PTPRN2: variants seen among roughly 807,000 people sequenced by gnomAD.
PTPRN2 encodes receptor-type tyrosine-protein phosphatase N2.
A neutral mutation model predicts 118.8 loss-of-function variants in PTPRN2; 74 were observed. The ratio of observed to expected loss-of-function variants is 0.62; its 90% CI spans 0.52 to 0.76. The LOEUF is 0.76. PTPRN2 is among the 30% of genes least tolerant of loss of function. The pLI, the probability that PTPRN2 is intolerant of heterozygous loss-of-function variation, is 0.00. For synonymous variants in PTPRN2, 641 were observed against 608.0 expected (o/e 1.05, Z -0.80); for missense variants, 1,481 against 1,394.4 (o/e 1.06, Z -0.99).
chr7:158,365,458 G>A (rs932609075), intron 2 of PTPRN2, among the ~76,000 whole-genome samples: 4 of 151,902 alleles, frequency 2.6e-5, no homozygotes, highest in Admixed American at 6.6e-5. Flanking sequence ...ACATGACATC[G>A]ATTCCCTGAT....
intron 2 of PTPRN2, among the ~76,000 whole-genome samples, chr7:158,375,819 G>A: frequency 6.6e-6 from 1 of 152,098 alleles, no homozygotes; most frequent in Non-Finnish European, 1.5e-5. Context: ...AGTCAGAAAG[G>A]AGATTGGCTG....
intron 12 of PTPRN2, among the ~76,000 whole-genome samples, chr7:157,838,138 C>T (rs915806594): frequency 2.8e-5 from 4 of 144,476 alleles, no homozygotes; most frequent in Non-Finnish European, 4.5e-5. Context: ...GTGGATGGCA[C>T]GGGAGAAAGC....
intron 2 of PTPRN2, among the ~76,000 whole-genome samples, chr7:158,452,138 A>T (rs1463045361): frequency 2.6e-5 from 4 of 151,846 alleles, no homozygotes; most frequent in African/African-American, 9.7e-5. Flanking sequence ...TCTGTTCCCC[A>T]CTCTGGCTTA....
chr7:157,787,904 G>A lies in PTPRN2; in HGVS notation c.1789-104967C>T, dbSNP rs753365832. 2.6e-5 allele frequency among the ~76,000 whole-genome samples: 4 copies of A among 152,058 alleles called. No homozygotes were observed. The highest frequency in any genetic ancestry group is 5.9e-5 in the Non-Finnish European group (4 of 68,002). ...GTGGATAAAAGCTGCTGGCAACATC[G>A]ACGTCCCCAAGACACTGACAGGCCT... On this transcript the variant is annotated intron_variant, in intron 12 of 22. Coordinates refer to ENST00000389418, the MANE Select transcript of PTPRN2 (RefSeq NM_002847.5). This position sits in a 1 kb window ranked among gnomAD's most constrained non-coding sequence, Gnocchi z 5.3.
chr7:158,459,036 C>A (rs1023092267), intron 2 of PTPRN2, among the ~76,000 whole-genome samples: 2 of 152,164 alleles, frequency 1.3e-5, no homozygotes, highest in Non-Finnish European at 2.9e-5. Flanking sequence ...CAGGGTGCCG[C>A]GGCCATCACA....
chr7:158,259,622 T>C (rs1797256519), intron 3 of PTPRN2, among the ~76,000 whole-genome samples: 1 of 152,144 alleles, frequency 6.6e-6, no homozygotes, highest in South Asian at 2.1e-4. Context: ...CTGCTCCCAC[T>C]CCTCACCAGG....
intron 12 of PTPRN2, among the ~76,000 whole-genome samples, chr7:157,786,387 A>C (rs1804038907): frequency 6.6e-6 from 1 of 152,348 alleles, no homozygotes; most frequent in African/African-American, 2.4e-5. Context: ...CTAAGAAGGA[A>C]GATTATTTAT....
rs1208870927 is a variant in PTPRN2, at chr7:158,330,769, C to G, written c.164-13837G>C. ...CCCACACTCTCACCATAAGAGCTGA[C>G]ACCCGCAGACGTCACTCACACCCAC... On this transcript the variant is annotated intron_variant, in intron 2 of 22. Coordinates refer to ENST00000389418, the MANE Select transcript of PTPRN2 (RefSeq NM_002847.5). Among the ~76,000 whole-genome samples the G allele has an allele frequency of 5.4e-5, 6 of 111,358 alleles. No homozygotes were observed. The East Asian group carries it at 8.2e-4, about 15-fold the overall frequency. 73.1% of individuals were successfully genotyped at this position (111,358 alleles called of 152,430 possible). A position where few individuals can be genotyped will look rare whatever the true frequency, so the allele number is the denominator to read the frequency against.
At chr7:157,564,816 G>A (rs2058386) in intron 21 of PTPRN2, among the ~76,000 whole-genome samples, 45 of 152,344 alleles carry the variant, frequency 3.0e-4, no homozygotes, top group Admixed American at 2.0e-3. Flanking sequence ...TTCCGCCCCA[G>A]GGACATATCC....
intron 3 of PTPRN2, among the ~76,000 whole-genome samples, chr7:158,213,593 TTAATAA>T (rs1827763596): frequency 6.6e-6 from 1 of 152,286 alleles, no homozygotes; most frequent in Non-Finnish European, 1.5e-5. Flanking sequence ...TTAAATGTAC[TTAATAA>T]TAATCAAGTC....
intron 6 of PTPRN2, among the ~76,000 whole-genome samples, chr7:158,146,919 A>G (rs1198626345): frequency 6.6e-6 from 1 of 151,748 alleles, no homozygotes. Context: ...AGACTGAATG[A>G]CACCCCATCT....
At chr7:158,345,837 GAAGC>G (rs1176426555) in intron 2 of PTPRN2, among the ~76,000 whole-genome samples, 1 of 152,188 alleles carries the variant, frequency 6.6e-6, no homozygotes, top group Non-Finnish European at 1.5e-5. Flanking sequence ...AGGCGAAGGA[GAAGC>G]AAGCACCTTC....
chr7:158,418,785 C>T (rs1192683583), intron 2 of PTPRN2, among the ~76,000 whole-genome samples: 1 of 152,182 alleles, frequency 6.6e-6, no homozygotes, highest in African/African-American at 2.4e-5. Context: ...TGTGTTAAGT[C>T]ATGGTGTACT....
At chr7:158,336,822 G>C (rs1394419886) in intron 2 of PTPRN2, among the ~76,000 whole-genome samples, 2 of 93,002 alleles carry the variant, frequency 2.2e-5, no homozygotes, top group Admixed American at 2.2e-4. Flanking sequence ...CATAAGAAGT[G>C]ACACCTGCAG....
intron 14 of PTPRN2, among the ~76,000 whole-genome samples, chr7:157,642,189 C>T (rs758873335): frequency 6.6e-6 from 1 of 152,216 alleles, no homozygotes; most frequent in Non-Finnish European, 1.5e-5. Context: ...CCCTTTTGCC[C>T]CAAATTGGCT....
intron 11 of PTPRN2, among the ~76,000 whole-genome samples, chr7:158,055,411 G>C (rs1386032770): frequency 6.6e-6 from 1 of 152,160 alleles, no homozygotes; most frequent in Non-Finnish European, 1.5e-5. Flanking sequence ...AGCAGACCAG[G>C]AAAGGGAGTC....
chr7:158,138,661 G>A (rs1563493781), intron 6 of PTPRN2, 146 bp from the exon 7 acceptor site: 2 of 679,254 alleles, frequency 2.9e-6, no homozygotes, highest in South Asian at 1.9e-5. Context: ...GCTCAGAGAA[G>A]ATTGGGATAT....
rs919299951 is a variant in PTPRN2, at chr7:158,223,828, T to TA, written c.278-18556dup. 3.0e-3 allele frequency among the ~76,000 whole-genome samples: 436 copies of TA among 147,276 alleles called. 1 individual carries two copies. The highest frequency in any genetic ancestry group is 9.1e-3 in the African/African-American group (367 of 40,152). ...TTCCAGCCAGTGCAATAGGGCAAGA[T>TA]AAAAAAAAAATAAAAGATATGCAGA... On this transcript the variant is annotated intron_variant, in intron 3 of 22. Coordinates refer to ENST00000389418, the MANE Select transcript of PTPRN2 (RefSeq NM_002847.5).
At chr7:158,006,911 G>A (rs954504101) in intron 11 of PTPRN2, among the ~76,000 whole-genome samples, 4 of 152,302 alleles carry the variant, frequency 2.6e-5, no homozygotes, top group Non-Finnish European at 4.4e-5. Context: ...GTCCTCTGGC[G>A]GGAAGCCTGC....
Sources: gnomAD v4.1 joint callset for allele counts (sites outside exome capture counted in the v4.1 genomes callset) on GRCh38, gnomAD v4.1.1 for gene constraint, Gnocchi (gnomAD v3.1) non-coding constraint, MANE v1.5 for transcripts, NCBI Gene and HGNC (gene_info 2026-07-23, HGNC 2026-07-21) for gene names.